Variants in CCDC93 observed in about 807,000 individuals in gnomAD.
The protein encoded by CCDC93 is CCC complex scaffolding subunit CCDC93, also known as coiled-coil domain-containing protein 93.
CCDC93 carries 61 observed loss-of-function variants against 108.2 expected under a neutral mutation model. That is an observed-to-expected ratio of 0.56 (90% CI 0.46 to 0.70). The LOEUF is 0.70. Among genes scored for constraint, CCDC93 ranks in the 30% least tolerant of loss-of-function variants. The pLI is 0.00. For missense variants in CCDC93, 685 were observed against 764.2 expected (o/e 0.90, Z 1.22); for synonymous variants, 276 against 260.4 (o/e 1.06, Z -0.58).
In CCDC93 at chr2:117,970,087, G is replaced by A. The variant is rs904431920; in HGVS notation, c.888+3821C>T. 9.9e-5 allele frequency among the ~76,000 whole-genome samples: 15 copies of A among 152,196 alleles called. No individual in the cohort carries two copies. In the East Asian group the frequency reaches 1.3e-3, roughly 14 times the overall value. On this transcript the variant is annotated intron_variant, in intron 11 of 23. Transcript: ENST00000376300. ...ATTGAACAAACTAGGTCTTTGACTG[G>A]AGAGCACTGACAAAACAAAAACAAA...
At chr2:117,965,538 T>G (rs1181764197) in intron 11 of CCDC93, among the ~76,000 whole-genome samples, 4 of 152,216 alleles carry the variant, frequency 2.6e-5, no homozygotes, top group African/African-American at 9.7e-5. Context: ...TGCCTGGTTA[T>G]TATCAGGCAA....
At chr2:117,974,353 G>C (rs1343597096) in intron 10 of CCDC93, among the ~76,000 whole-genome samples, 1 of 152,130 alleles carries the variant, frequency 6.6e-6, no homozygotes, top group African/African-American at 2.4e-5. Flanking sequence ...ATAGAGAAGA[G>C]CATGGGAAAG....
At chr2:117,923,219 C>CA (rs1308505168) in intron 23 of CCDC93, among the ~76,000 whole-genome samples, 2 of 152,148 alleles carry the variant, frequency 1.3e-5, no homozygotes, top group East Asian at 3.9e-4. Flanking sequence ...GTCTGCATTT[C>CA]CAACTGAGGT....
In CCDC93 at chr2:117,978,030, C is replaced by T; in HGVS notation, c.621G>A (p.Arg207=). 1 of 1,613,700 alleles carries T rather than the reference C, an allele frequency of 6.2e-7. No homozygotes were observed. The highest frequency in any genetic ancestry group is 1.1e-5 in the South Asian group (1 of 91,072). ...RIHATLLEYG[R]RYGFSRQSKM... is the part of the protein sequence containing the mutation. ...TGCTCTGGCGGCTAAATCCATATCT[C>T]CTGCAGGCCACAAAAAAGGAGTTTA... is the stretch of plus-strand genomic sequence containing the variant. Residue 207 remains arginine (R), a splice_region_variant and synonymous_variant, in exon 8 of 24, where the codon AGG becomes AGA. Coordinates refer to ENST00000376300, the MANE Select transcript of CCDC93 (RefSeq NM_019044.5).
chr2:118,013,930 C>A (rs1466842581), intron 1 of CCDC93, 24 bp downstream of exon 1: 1 of 1,560,702 alleles, frequency 6.4e-7, no homozygotes. Flanking sequence ...CCCGACGTGT[C>A]AGGGAAGGAG....
At chr2:117,924,364 G>C (rs540116407) in intron 23 of CCDC93, among the ~76,000 whole-genome samples, 112 of 152,196 alleles carry the variant, frequency 7.4e-4, no homozygotes, top group African/African-American at 2.5e-3. Context: ...CCATGGCAAA[G>C]AAGTTAAAAA....
rs762227659 is a variant in CCDC93 at position 117,974,890 on chromosome 2, T to A, written c.761A>T (p.Gln254Leu). 16 of 1,564,832 alleles carry A rather than the reference T, an allele frequency of 1.0e-5. No homozygotes were observed. The East Asian group carries it at 3.8e-4, about 37-fold the overall frequency. Residue 254 changes from glutamine to leucine, a missense_variant, in exon 10 of 24, where the codon CAG becomes CTG. Physicochemically the swap from Gln to Leu is moderately radical, Grantham distance 113. Coordinates refer to ENST00000376300, the MANE Select transcript of CCDC93 (RefSeq NM_019044.5). ...AGCGGTCATCTTGGTCATCAGCGAC[T>A]GAATACGCTGCTGAAAGAGGAATGG... is the stretch of plus-strand genomic sequence containing the variant. ...ELRAAEEQRI[Q>L]SLMTKMTAMA... is the part of the protein sequence containing the mutation.
At chr2:117,968,501 A>G (rs1479867735) in intron 11 of CCDC93, among the ~76,000 whole-genome samples, 2 of 152,302 alleles carry the variant, frequency 1.3e-5, no homozygotes, top group East Asian at 3.9e-4. Context: ...ACACTCATGA[A>G]TTATGTATCT....
At chr2:118,011,035 G>A (rs758335064) in intron 1 of CCDC93, among the ~76,000 whole-genome samples, 2 of 152,160 alleles carry the variant, frequency 1.3e-5, no homozygotes, top group African/African-American at 4.8e-5. Flanking sequence ...ATTGATTAAC[G>A]AGAGGACTAT....
intron 20 of CCDC93, chr2:117,937,042 C>A: frequency 2.4e-6 from 1 of 409,536 alleles, no homozygotes; most frequent in East Asian, 4.5e-5. Flanking sequence ...ACTAAGCTAA[C>A]ACTAGGGCTC....
chr2:117,977,982 T>C lies in CCDC93; in HGVS notation c.657+12A>G. The C allele has an allele frequency of 6.2e-7, 1 of 1,612,576 alleles. No individual in the cohort carries two copies. Among genetic ancestry groups the C allele is most frequent in the Non-Finnish European group, 8.5e-7 (1 of 1,178,610 alleles). On this transcript the variant is annotated intron_variant, in intron 8 of 23. Coordinates refer to ENST00000376300, the MANE Select transcript of CCDC93 (RefSeq NM_019044.5). Reference sequence around the variant, plus strand: ...CTCAAGTATTCTCTCTTACTATCAATGTTTTTCTTACCTTCTCCATTTTGC... The same window carrying C: ...CTCAAGTATTCTCTCTTACTATCAACGTTTTTCTTACCTTCTCCATTTTGC...
chr2:117,946,733 C>T (rs888938102), intron 16 of CCDC93, 78 bp downstream of exon 16: 1 of 982,844 alleles, frequency 1.0e-6, no homozygotes, highest in African/African-American at 1.6e-5. Context: ...CAACAGCGGT[C>T]TGCTCTTTGG....
intron 23 of CCDC93, among the ~76,000 whole-genome samples, chr2:117,927,130 AGAGCTATCT>A (rs1204471975): frequency 6.6e-6 from 1 of 152,206 alleles, no homozygotes; most frequent in Non-Finnish European, 1.5e-5. Flanking sequence ...CAAAATAATA[AGAGCTATCT>A]ATGACAAACC....
At position 117,944,152 on chromosome 2, in the gene CCDC93, G is replaced by A. The variant is rs920909159; in HGVS notation, c.1351-66C>T. On this transcript the variant is annotated intron_variant, in intron 17 of 23. Transcript: ENST00000376300. ...ACTTTCACTCTTTAATGGAGTCTTT[G>A]AAAGTTGAATATGTTTTTATCATAT... is the stretch of plus-strand genomic sequence containing the variant. The A allele has an allele frequency of 4.3e-6, 5 of 1,160,114 alleles. No homozygotes were observed. In the African/African-American group the frequency reaches 7.8e-5, roughly 18 times the overall value. 71.9% of individuals were successfully genotyped at this position (1,160,114 alleles called of 1,614,324 possible).
chr2:117,966,415 G>A (rs1224530534), intron 11 of CCDC93, among the ~76,000 whole-genome samples: 2 of 152,348 alleles, frequency 1.3e-5, no homozygotes, highest in Admixed American at 1.3e-4. Context: ...ATATGGCAGG[G>A]CCATTTGAGT....
At chr2:118,006,958 C>T (rs948959127) in intron 2 of CCDC93, 142 bp from the exon 3 acceptor site, 15 of 610,992 alleles carry the variant, frequency 2.5e-5, no homozygotes, top group South Asian at 6.1e-5. Context: ...GAGTGTGTGT[C>T]CTCCTTACCC....
chr2:117,941,264 G>A lies in CCDC93; in HGVS notation c.1447C>T (p.Arg483Cys), dbSNP rs747392111. Residue 483 changes from arginine to cysteine, a missense_variant, in exon 19 of 24, where the codon CGC (arginine) becomes TGC (cysteine). Coordinates refer to ENST00000376300, the MANE Select transcript of CCDC93 (RefSeq NM_019044.5). ...RRNREIAILH[R>C]KIDEVPSRAE... The stretch of plus-strand genomic sequence containing the variant: ...CGGCTAGGGACTTCATCAATCTTGC[G>A]GTGCAAAATTGCTATTTCTCGATTT... The A allele has an allele frequency of 2.2e-5, 36 of 1,613,702 alleles. No homozygotes were observed. The highest frequency in any genetic ancestry group is 3.3e-5 in the Admixed American group (2 of 60,000).
intron 17 of CCDC93, 50 bp downstream of exon 17, chr2:117,945,479 G>T: frequency 6.6e-7 from 1 of 1,511,762 alleles, no homozygotes; most frequent in Non-Finnish European, 9.2e-7. Context: ...TGGAAAGCTG[G>T]CCGCCTGCCC....
chr2:117,938,101 G>T (rs2104724832), intron 20 of CCDC93, among the ~76,000 whole-genome samples: 1 of 152,336 alleles, frequency 6.6e-6, no homozygotes, highest in South Asian at 2.1e-4. Context: ...GAACAAGTAT[G>T]TACTGAGAAT....
Sources: allele counts gnomAD v4.1 joint callset (sites outside exome capture counted in the v4.1 genomes callset), GRCh38; gene constraint gnomAD v4.1.1; transcripts MANE v1.5; gene names NCBI Gene and HGNC (gene_info 2026-07-23, HGNC 2026-07-21).